The following ILRUN variants were observed in gnomAD, a reference collection of about 807,000 sequenced individuals.
ILRUN encodes inflammation and lipid regulator with UBA-like and NBR1-like domains.
In ILRUN, 3 loss-of-function variants were observed where a neutral mutation model predicts 33.8. The ratio of observed to expected loss-of-function variants is 0.09; its 90% CI spans 0.04 to 0.23. ILRUN has a LOEUF of 0.23. ILRUN is among the 10% of genes least tolerant of loss of function. The pLI is 1.00. For synonymous variants in ILRUN, 124 were observed against 138.9 expected (o/e 0.89, Z 0.75); for missense variants, 210 against 375.1 (o/e 0.56, Z 3.64).
At chr6:34,616,685 C>T in intron 3 of ILRUN, 1 of 979,090 alleles carries the variant, frequency 1.0e-6, no homozygotes, top group African/African-American at 1.6e-5. Flanking sequence ...GCTTATCTAT[C>T]ACAAGGAATA....
intron 1 of ILRUN, among the ~76,000 whole-genome samples, chr6:34,690,502 TA>T (rs1439090423): frequency 6.6e-6 from 1 of 151,834 alleles, no homozygotes; most frequent in Non-Finnish European, 1.5e-5. Flanking sequence ...ATAAATTGAT[TA>T]AAAGGGTAAA....
intron 3 of ILRUN, among the ~76,000 whole-genome samples, chr6:34,632,553 A>ATT (rs1219435236): frequency 0.016 from 2,243 of 136,710 alleles, 82 homozygotes; most frequent in African/African-American, 0.045. Flanking sequence ...AGAGCAAATA[A>ATT]TTTTTTTTTT....
In ILRUN at chr6:34,600,243, G is replaced by C. The variant is rs150155531; in HGVS notation, c.861+6312C>G. Among the ~76,000 whole-genome samples, 30 of 152,252 alleles carry C rather than the reference G, an allele frequency of 2.0e-4. No individual in the cohort carries two copies. In the East Asian group the frequency reaches 5.4e-3, roughly 27 times the overall value. ...GGCCCGCAAAACGCTCCACAATCTG[G>C]TCTCTGTCCCCTGACTTCATCTTCT... On this transcript the variant is annotated intron_variant, in intron 4 of 4. Transcript: ENST00000374023.
chr6:34,659,868 G>A (rs991021510), intron 1 of ILRUN, among the ~76,000 whole-genome samples: 11 of 151,794 alleles, frequency 7.2e-5, no homozygotes, highest in South Asian at 2.1e-4. Flanking sequence ...TGATTCACCC[G>A]CTTTGGCCTC....
intron 3 of ILRUN, among the ~76,000 whole-genome samples, chr6:34,610,824 G>C (rs1287001943): frequency 6.6e-6 from 1 of 152,134 alleles, no homozygotes; most frequent in Non-Finnish European, 1.5e-5. Context: ...CTTAGCTCAG[G>C]AAACTAAATG....
At chr6:34,630,849 C>T (rs1762230768) in intron 3 of ILRUN, among the ~76,000 whole-genome samples, 1 of 152,098 alleles carries the variant, frequency 6.6e-6, no homozygotes, top group East Asian at 1.9e-4. Flanking sequence ...CTCTCTTTTT[C>T]AGTTTTGGAA....
rs76192698 is a variant in ILRUN at position 34,682,917 on chromosome 6, G to C, written c.158+13529C>G. Among the ~76,000 whole-genome samples the C allele has an allele frequency of 6.8e-3, 1,029 of 150,300 alleles. 4 individuals are homozygous for C. Among genetic ancestry groups the C allele is most frequent in the Middle Eastern group, 0.017 (5 of 294 alleles). On this transcript the variant is annotated intron_variant, in intron 1 of 4. Coordinates refer to ENST00000374023, the MANE Select transcript of ILRUN (RefSeq NM_024294.4). Reference sequence around the variant, plus strand: ...TTTCTCTGATGTGAAAAAAAATAAAGTTAAAAAAAAAATCCAGTCAGAGCA... The same window carrying C: ...TTTCTCTGATGTGAAAAAAAATAAACTTAAAAAAAAAATCCAGTCAGAGCA...
intron 3 of ILRUN, among the ~76,000 whole-genome samples, chr6:34,632,436 A>T (rs1762267313): frequency 6.6e-6 from 1 of 152,118 alleles, no homozygotes; most frequent in Admixed American, 6.5e-5. Flanking sequence ...GCAAGACTCC[A>T]TCTCAAAATA....
At chr6:34,606,274 C>G (rs1273774272) in intron 4 of ILRUN, among the ~76,000 whole-genome samples, 1 of 151,902 alleles carries the variant, frequency 6.6e-6, no homozygotes, top group Admixed American at 6.6e-5. Context: ...TTTTAAAATA[C>G]TAAAGGTAAA....
Position 34,587,915 on chromosome 6 carries a change from C to G in ILRUN, c.*2650G>C. ...CCTAACCATGGTGTCTGCCTCACCT[C>G]CTGGGTGCCAGACGCAGGTGGTCCT... On this transcript the variant is annotated 3_prime_UTR_variant, in exon 5 of 5. Transcript: ENST00000374023. The G allele has an allele frequency of 5.0e-6, 2 of 397,256 alleles. No homozygotes were observed. Among genetic ancestry groups the G allele is most frequent in the Admixed American group, 8.8e-5 (2 of 22,732 alleles). The allele number at this position is 397,256 out of a possible 1,614,324, so 24.6% of individuals were successfully genotyped here.
At chr6:34,673,832 T>TACACACACAC (rs71000079) in intron 1 of ILRUN, among the ~76,000 whole-genome samples, 34 of 111,280 alleles carry the variant, frequency 3.1e-4, no homozygotes, top group African/African-American at 1.1e-3. Flanking sequence ...AACAACCACA[T>TACACACACAC]ACACACACAC....
chr6:34,593,047 C>G (rs1032442124), intron 4 of ILRUN, among the ~76,000 whole-genome samples: 1 of 151,844 alleles, frequency 6.6e-6, no homozygotes, highest in African/African-American at 2.4e-5. Flanking sequence ...GACATGGCGA[C>G]GCATGGCTGT....
chr6:34,617,001 A>G (rs1212341550), intron 3 of ILRUN: 11 of 543,708 alleles, frequency 2.0e-5, no homozygotes, highest in Non-Finnish European at 3.6e-5. Flanking sequence ...GGCAAAATCA[A>G]TAAGAAGTGA....
At position 34,606,575 on chromosome 6, in the gene ILRUN, A is replaced by T; in HGVS notation, c.841T>A (p.Ser281Thr). 6.2e-7 allele frequency: 1 copy of T among 1,613,950 alleles called. No homozygotes were observed. The highest frequency in any genetic ancestry group is 8.5e-7 in the Non-Finnish European group (1 of 1,179,920). The change falls in exon 4 of 5, where the codon TCA becomes ACA. Residue 281 changes from serine (S) to threonine (T), a missense_variant. Physicochemically the swap from Ser to Thr is moderately conservative, Grantham distance 58. This residue lies in a region of ILRUN where 81 missense variants were observed against 97.0 expected (regional missense o/e 0.84). Coordinates refer to ENST00000374023, the MANE Select transcript of ILRUN (RefSeq NM_024294.4). ...LSPSSHANNL[S>T]VVTYSKGLHG... Reference sequence around the variant, plus strand: ...CCTACCTTACTGTAAGTCACTACTGATAAGTTGTTTGCGTGACTGCTGGGA... The same window carrying T: ...CCTACCTTACTGTAAGTCACTACTGTTAAGTTGTTTGCGTGACTGCTGGGA...
At chr6:34,674,791 T>C (rs546759403) in intron 1 of ILRUN, among the ~76,000 whole-genome samples, 4 of 152,280 alleles carry the variant, frequency 2.6e-5, no homozygotes, top group Admixed American at 2.6e-4. Context: ...CTGGGTACAG[T>C]AGCTCACACC....
chr6:34,606,711 G>T lies in ILRUN; in HGVS notation c.705C>A (p.Phe235Leu). 1 of 1,614,130 alleles carries T rather than the reference G, an allele frequency of 6.2e-7. No homozygotes were observed. The highest frequency in any genetic ancestry group is 1.1e-5 in the South Asian group (1 of 91,076). Residue 235 changes from phenylalanine (F) to leucine (L), a missense_variant, in exon 4 of 5, where the codon TTC becomes TTA. Around this residue, in one of 4 missense-constraint regions of ILRUN, gnomAD observed 81 missense variants for 97.0 expected, o/e 0.84. Transcript: ENST00000374023. ...NNLKDPGGSEFDSISKNTWAP... is the reference protein window; with the variant it reads ...NNLKDPGGSELDSISKNTWAP... ...CCCATGTGTTTTTGCTGATCGAGTC[G>T]AACTCGGAGCCCCCAGGGTCTTTTA...
intron 1 of ILRUN, among the ~76,000 whole-genome samples, chr6:34,670,225 CT>C (rs1482159655): frequency 1.3e-5 from 2 of 152,070 alleles, no homozygotes; most frequent in Non-Finnish European, 2.9e-5. Flanking sequence ...AAAGGCAAAT[CT>C]TTAGAGACAA....
chr6:34,640,000 A>C (rs1762437564), intron 3 of ILRUN, among the ~76,000 whole-genome samples: 1 of 152,198 alleles, frequency 6.6e-6, no homozygotes, highest in Admixed American at 6.5e-5. Flanking sequence ...CTTAGATAAA[A>C]GCTAAGAAGC....
At position 34,606,562 on chromosome 6, in the gene ILRUN, T is replaced by C; in HGVS notation, c.854A>G (p.Tyr285Cys). ...SHANNLSVVTYSKGLHGPYPF... is the reference protein window; with the variant it reads ...SHANNLSVVTCSKGLHGPYPF... The stretch of plus-strand genomic sequence containing the variant: ...TTCTCCAAGGGCACCTACCTTACTG[T>C]AAGTCACTACTGATAAGTTGTTTGC... The change falls in exon 4 of 5, where the codon TAC becomes TGC. Residue 285 changes from tyrosine to cysteine, a missense_variant. Coordinates refer to ENST00000374023, the MANE Select transcript of ILRUN (RefSeq NM_024294.4). 6.2e-7 allele frequency: 1 copy of C among 1,612,980 alleles called. No individual in the cohort carries two copies. The highest frequency in any genetic ancestry group is 8.5e-7 in the Non-Finnish European group (1 of 1,179,236).
Sources: gnomAD v4.1 joint callset for allele counts (sites outside exome capture counted in the v4.1 genomes callset) on GRCh38, gnomAD v4.1.1 for gene constraint, gnomAD v4.1.1 regional missense constraint, MANE v1.5 for transcripts, NCBI Gene and HGNC (gene_info 2026-07-23, HGNC 2026-07-21) for gene names.